SLC12A7: variants seen among roughly 807,000 people sequenced by gnomAD.
SLC12A7 encodes the protein solute carrier family 12 member 7, also known as K-Cl cotransporter 4.
In SLC12A7, 100 loss-of-function variants were observed where a neutral mutation model predicts 120.6. That is an observed-to-expected ratio of 0.83 (90% CI 0.71 to 0.98). The LOEUF (loss-of-function observed/expected upper bound fraction) is 0.98, where lower values mean the gene tolerates loss of function less well. Among genes scored for constraint, SLC12A7 ranks in the 50% least tolerant of loss-of-function variants. The pLI is 0.00. For missense variants in SLC12A7, 1,373 were observed against 1,548.1 expected (o/e 0.89, Z 1.90); for synonymous variants, 760 against 678.0 (o/e 1.12, Z -1.88).
the SLC12A7 span, among the ~76,000 whole-genome samples, chr5:1,125,405 T>C: frequency 2.6e-5 from 4 of 152,290 alleles, no homozygotes; most frequent in South Asian, 8.3e-4. Flanking sequence ...TTATGCTGAA[T>C]AGTGCATAAT....
intron 1 of SLC12A7, among the ~76,000 whole-genome samples, chr5:1,103,311 G>T (rs1417206617): frequency 6.6e-6 from 1 of 152,188 alleles, no homozygotes; most frequent in Non-Finnish European, 1.5e-5. Context: ...CTGTAAACCA[G>T]GAGAGCGCCG....
At chr5:1,127,527 C>G in the SLC12A7 span, among the ~76,000 whole-genome samples, 2 of 152,220 alleles carry the variant, frequency 1.3e-5, no homozygotes, top group African/African-American at 4.8e-5. Flanking sequence ...CTTTCTCCAC[C>G]ACTGAGAAGG....
intron 13 of SLC12A7, 60 bp from the exon 14 acceptor site, chr5:1,076,296 T>A: frequency 7.1e-7 from 1 of 1,407,678 alleles, no homozygotes; most frequent in East Asian, 2.5e-5. Flanking sequence ...CCCCAGTCAC[T>A]GCCACCTGGG....
chr5:1,123,403 C>G, the SLC12A7 span, among the ~76,000 whole-genome samples: 1 of 152,152 alleles, frequency 6.6e-6, no homozygotes, highest in Non-Finnish European at 1.5e-5. Context: ...CACAGCCCTG[C>G]CAGGTAACAC....
chr5:1,140,478 TGGGTGCCCCCTGCTGGTGAGGGG>T, the SLC12A7 span, among the ~76,000 whole-genome samples: 1 of 135,046 alleles, frequency 7.4e-6, no homozygotes, highest in Non-Finnish European at 1.5e-5. Flanking sequence ...TGCTGGTGAG[TGGGTGCCCCCTGCTGGTGAGGGG>T]GGGTGCTCCC....
chr5:1,081,261 A>C (rs1005573484), intron 9 of SLC12A7, among the ~76,000 whole-genome samples: 2 of 152,122 alleles, frequency 1.3e-5, no homozygotes, highest in Non-Finnish European at 2.9e-5. Flanking sequence ...GGAGTTTGAG[A>C]CCAGCCTGAG....
intron 9 of SLC12A7, 59 bp from the exon 10 acceptor site, chr5:1,079,555 AGCCC>A: frequency 1.4e-5 from 20 of 1,395,038 alleles, no homozygotes; most frequent in Non-Finnish European, 1.8e-5. Flanking sequence ...ATGTGATGGC[AGCCC>A]CTGCCCAGAA....
At chr5:1,110,874 T>A (rs905780313) in intron 1 of SLC12A7, among the ~76,000 whole-genome samples, 1 of 152,160 alleles carries the variant, frequency 6.6e-6, no homozygotes, top group Non-Finnish European at 1.5e-5. Context: ...TCACGGTGGG[T>A]CCCCACCCGT....
chr5:1,104,636 C>T (rs565127059), intron 1 of SLC12A7, among the ~76,000 whole-genome samples: 4 of 151,396 alleles, frequency 2.6e-5, no homozygotes, highest in South Asian at 2.1e-4. Flanking sequence ...ACTCTCATCC[C>T]GGACCCCAGG....
At chr5:1,054,908 C>T (rs1264749402) in intron 22 of SLC12A7, among the ~76,000 whole-genome samples, 7 of 152,206 alleles carry the variant, frequency 4.6e-5, no homozygotes, top group Non-Finnish European at 8.8e-5. Flanking sequence ...TTGAATTCGA[C>T]TTCTGGATAG....
chr5:1,097,870 G>C (rs1008818896), intron 1 of SLC12A7, among the ~76,000 whole-genome samples: 1 of 152,056 alleles, frequency 6.6e-6, no homozygotes, highest in Admixed American at 6.5e-5. Context: ...GAAGAGTGTC[G>C]CTTGGTCTCT....
intron 14 of SLC12A7, chr5:1,075,845 G>C (rs987060944): frequency 8.7e-5 from 44 of 508,280 alleles, no homozygotes; most frequent in African/African-American, 8.0e-4. Context: ...CCCCAAGCCT[G>C]GGAAGGCTGG....
At chr5:1,151,308 G>A in the SLC12A7 span, among the ~76,000 whole-genome samples, 2 of 152,178 alleles carry the variant, frequency 1.3e-5, no homozygotes, top group Non-Finnish European at 2.9e-5. The surrounding 1 kb of genome is among the most constrained non-coding windows in gnomAD (Gnocchi z 6.2). Flanking sequence ...CTCACACACA[G>A]AGACACACAA....
the SLC12A7 span, among the ~76,000 whole-genome samples, chr5:1,130,755 C>G: frequency 6.6e-6 from 1 of 152,218 alleles, no homozygotes; most frequent in Non-Finnish European, 1.5e-5. Flanking sequence ...CCAGGGAAAC[C>G]CAGCACAGAC....
At chr5:1,151,630 A>G in the SLC12A7 span, among the ~76,000 whole-genome samples, 1 of 152,000 alleles carries the variant, frequency 6.6e-6, no homozygotes, top group Non-Finnish European at 1.5e-5. This position sits in a 1 kb window ranked among gnomAD's most constrained non-coding sequence, Gnocchi z 6.2. Context: ...CCGGTGCCAG[A>G]AGGGTCCGAC....
At chr5:1,097,672 G>A (rs551224181) in intron 1 of SLC12A7, among the ~76,000 whole-genome samples, 3 of 152,274 alleles carry the variant, frequency 2.0e-5, no homozygotes, top group Admixed American at 6.5e-5. Flanking sequence ...AGTCCAGAAC[G>A]CGAGGACGCA....
chr5:1,114,810 G>T (rs773924424), upstream of SLC12A7, among the ~76,000 whole-genome samples: 1 of 152,154 alleles, frequency 6.6e-6, no homozygotes, highest in Non-Finnish European at 1.5e-5. Context: ...TCCTCCGTCC[G>T]CAGTCGTTGG....
the SLC12A7 span, among the ~76,000 whole-genome samples, chr5:1,145,276 C>T: frequency 6.6e-6 from 1 of 152,278 alleles, no homozygotes; most frequent in Non-Finnish European, 1.5e-5. The surrounding 1 kb of genome is among the most constrained non-coding windows in gnomAD (Gnocchi z 4.4). Context: ...GTCCATCACA[C>T]GGTCTGTGCA....
chr5:1,097,838 G>T (rs913240336), intron 1 of SLC12A7, among the ~76,000 whole-genome samples: 1 of 152,078 alleles, frequency 6.6e-6, no homozygotes, highest in Non-Finnish European at 1.5e-5. Context: ...TAAAGAGAAC[G>T]CATCTCCCCT....
Sources: allele counts gnomAD v4.1 joint callset (sites outside exome capture counted in the v4.1 genomes callset), GRCh38; gene constraint gnomAD v4.1.1; non-coding constraint Gnocchi (gnomAD v3.1); transcripts MANE v1.5; gene names NCBI Gene and HGNC (gene_info 2026-07-23, HGNC 2026-07-21).